The following DCAF4 variants were observed in gnomAD, a reference collection of about 807,000 sequenced individuals.
DCAF4 encodes DDB1- and CUL4-associated factor 4.
A neutral mutation model predicts 60.9 loss-of-function variants in DCAF4; 37 were observed. The ratio of observed to expected loss-of-function variants is 0.61; its 90% CI spans 0.47 to 0.80. The LOEUF is 0.80. DCAF4 is among the 30% of genes least tolerant of loss of function. The pLI is 0.00. For synonymous variants in DCAF4, 243 were observed against 254.8 expected (o/e 0.95, Z 0.44); for missense variants, 577 against 650.0 (o/e 0.89, Z 1.22).
chr14:72,929,946 T>C (rs1888315344), intron 1 of DCAF4: 2 of 906,818 alleles, frequency 2.2e-6, no homozygotes, highest in East Asian at 5.3e-5. Flanking sequence ...CTGCTCTCCA[T>C]GGCGGCCGTG....
chr14:72,948,627 G>GA (rs972226970), intron 8 of DCAF4, among the ~76,000 whole-genome samples: 175 of 151,370 alleles, frequency 1.2e-3, no homozygotes, highest in African/African-American at 3.9e-3. Flanking sequence ...CTAAGGAGAG[G>GA]AAAAAAAAAT....
chr14:72,941,248 A>T (rs1454082818), intron 4 of DCAF4, among the ~76,000 whole-genome samples: 1 of 152,080 alleles, frequency 6.6e-6, no homozygotes, highest in Non-Finnish European at 1.5e-5. Context: ...TAGAGGTGTG[A>T]GCCACCATGC....
intron 8 of DCAF4, among the ~76,000 whole-genome samples, chr14:72,948,140 G>A (rs570877717): frequency 6.6e-6 from 1 of 152,194 alleles, no homozygotes; most frequent in African/African-American, 2.4e-5. Flanking sequence ...GATCTTTTTT[G>A]TAAATTTTAT....
chr14:72,930,947 A>G (rs1018032446), intron 1 of DCAF4, among the ~76,000 whole-genome samples: 1 of 152,168 alleles, frequency 6.6e-6, no homozygotes, highest in Admixed American at 6.5e-5. Flanking sequence ...TTCTGGTCTC[A>G]ATGCTACTCC....
At chr14:72,950,479 T>C (rs188121958) in intron 8 of DCAF4, among the ~76,000 whole-genome samples, 233 of 152,178 alleles carry the variant, frequency 1.5e-3, no homozygotes, top group Non-Finnish European at 2.9e-3. Context: ...GATGAGAACA[T>C]TTCTCTGGGA....
chr14:72,953,732 A>AATATATATATATATAT, intron 9 of DCAF4, among the ~76,000 whole-genome samples: 1 of 21,778 alleles, frequency 4.6e-5, no homozygotes, highest in African/African-American at 2.3e-4. Context: ...AAAAAAAAAA[A>AATATATATATATATAT]ATATATATAT....
chr14:72,940,588 G>GTTTTTTTTTTTTTTTTTTTTTTTT lies in DCAF4; in HGVS notation c.351+213_351+214insTTTTTTTTTTTTTTTTTTTTTTTT, dbSNP rs750585266. On this transcript the variant is annotated intron_variant, in intron 4 of 13. Coordinates refer to ENST00000358377, the MANE Select transcript of DCAF4 (RefSeq NM_015604.4). ...CCATCCCCGTTTTCTTGTTCGATAA[G>GTTTTTTTTTTTTTTTTTTTTTTTT]TTGTTTTTTTTTTTTTTTTTGAGGC... 2 of 266,914 alleles carry GTTTTTTTTTTTTTTTTTTTTTTTT rather than the reference G, an allele frequency of 7.5e-6. 1 individual carries two copies. The highest frequency in any genetic ancestry group is 1.3e-5 in the Non-Finnish European group (2 of 149,376). 16.5% of individuals were successfully genotyped at this position (266,914 alleles called of 1,614,324 possible).
intron 3 of DCAF4, 124 bp downstream of exon 3, chr14:72,940,026 G>A (rs924999814): frequency 2.7e-5 from 32 of 1,193,280 alleles, no homozygotes; most frequent in Non-Finnish European, 3.7e-5. Flanking sequence ...GGGTGCGTCA[G>A]GAATGGTGGT....
At chr14:72,954,672 G>A (rs1488350429) in intron 11 of DCAF4, among the ~76,000 whole-genome samples, 189 bp downstream of exon 11, 1 of 152,084 alleles carries the variant, frequency 6.6e-6, no homozygotes, top group East Asian at 1.9e-4. Context: ...CAGAAAGGCT[G>A]GCCTGAGTTG....
At chr14:72,960,361 G>A (rs145192710), downstream of DCAF4, among the ~76,000 whole-genome samples, 1 of 151,974 alleles carries the variant, frequency 6.6e-6, no homozygotes. Flanking sequence ...TGTTGGTCAG[G>A]CTGGCCTCAA....
intron 6 of DCAF4, among the ~76,000 whole-genome samples, chr14:72,945,438 C>T (rs1398305289): frequency 6.7e-6 from 1 of 149,952 alleles, no homozygotes; most frequent in African/African-American, 2.5e-5. Flanking sequence ...TTTTCTATTG[C>T]ACGTTTTATT....
rs1265638421 is a variant in DCAF4 at position 72,945,865 on chromosome 14, GC to G, written c.535-14del. 6.2e-7 allele frequency: 1 copy of G among 1,613,938 alleles called. No homozygotes were observed. Among genetic ancestry groups the G allele is most frequent in the South Asian group, 1.1e-5 (1 of 91,080 alleles). ...GGCGCAGCCTGGGACGTCACCCACTGCCCCCTTCCCTTCTCCAGGCAGATAC... is the reference window on the plus strand; with the variant it reads ...GGCGCAGCCTGGGACGTCACCCACTGCCCCTTCCCTTCTCCAGGCAGATAC... On this transcript the variant is annotated intron_variant, in intron 6 of 13. Transcript: ENST00000358377.
Position 72,931,263 on chromosome 14 carries a change from C to CTTTTTT in DCAF4, c.-9+4733_-9+4738dup, listed in dbSNP as rs370127536. Reference sequence around the variant, plus strand: ...AAATATATTCCTAAGTACTTTTTCTCTTTTTTTTTTTTTTTTTTGTAACTG... The same window carrying CTTTTTT: ...AAATATATTCCTAAGTACTTTTTCTCTTTTTTTTTTTTTTTTTTTTTTTTGTAACTG... On this transcript the variant is annotated intron_variant, in intron 1 of 13. Transcript: ENST00000358377. Among the ~76,000 whole-genome samples the CTTTTTT allele has an allele frequency of 1.1e-3, 142 of 126,794 alleles. 2 individuals are homozygous for CTTTTTT. Among genetic ancestry groups the CTTTTTT allele is most frequent in the Non-Finnish European group, 1.8e-3 (115 of 62,472 alleles). 83.2% of individuals were successfully genotyped at this position (126,794 alleles called of 152,430 possible).
intron 2 of DCAF4, among the ~76,000 whole-genome samples, chr14:72,938,732 T>C (rs563952561): frequency 1.9e-4 from 29 of 152,054 alleles, no homozygotes; most frequent in African/African-American, 6.8e-4. Flanking sequence ...ACAGTAAAAA[T>C]AGGGTATATA....
intron 8 of DCAF4, among the ~76,000 whole-genome samples, chr14:72,950,109 C>G (rs1271589546): frequency 6.6e-6 from 1 of 152,146 alleles, no homozygotes; most frequent in Non-Finnish European, 1.5e-5. Context: ...ACTGAATGCT[C>G]GCTCAGGGCT....
intron 8 of DCAF4, among the ~76,000 whole-genome samples, chr14:72,950,893 C>T (rs1406185053): frequency 6.6e-6 from 1 of 152,078 alleles, no homozygotes; most frequent in Non-Finnish European, 1.5e-5. Flanking sequence ...GAAGAACTTA[C>T]ACCAATTTGA....
chr14:72,944,445 T>G (rs982432534), intron 6 of DCAF4, among the ~76,000 whole-genome samples: 5 of 152,218 alleles, frequency 3.3e-5, no homozygotes, highest in African/African-American at 7.2e-5. Context: ...GTGGAGTTTT[T>G]GCTTTGAAAT....
intron 4 of DCAF4, 46 bp from the exon 5 acceptor site, chr14:72,941,699 C>T (rs1890067851): frequency 1.9e-6 from 3 of 1,572,604 alleles, no homozygotes; most frequent in Non-Finnish European, 2.6e-6. Context: ...CATCCCCTAA[C>T]AAATAAATCT....
At chr14:72,953,763 A>ATATATATATATATATATG (rs1327466108) in intron 9 of DCAF4, among the ~76,000 whole-genome samples, 5 of 38,138 alleles carry the variant, frequency 1.3e-4, no homozygotes, top group African/African-American at 4.7e-4. Flanking sequence ...ATATATATAT[A>ATATATATATATATATATG]GTTTATTTAT....
Sources: allele counts gnomAD v4.1 joint callset (sites outside exome capture counted in the v4.1 genomes callset), GRCh38; gene constraint gnomAD v4.1.1; transcripts MANE v1.5; gene names NCBI Gene and HGNC (gene_info 2026-07-23, HGNC 2026-07-21).